Variants in CEP128 observed in about 807,000 individuals in gnomAD.
The protein encoded by CEP128 is centrosomal protein 128, also known as centrosomal protein 128kDa.
Under a neutral mutation model 156.7 loss-of-function variants are expected in CEP128, and 132 were observed. The observed-to-expected ratio is 0.84, with a 90% CI of 0.73 to 0.97. CEP128 has a LOEUF of 0.97. Among genes scored for constraint, CEP128 ranks in the 50% least tolerant of loss-of-function variants. CEP128 has a pLI of 0.00. For synonymous variants in CEP128, 469 were observed against 448.9 expected, an observed-to-expected ratio of 1.04 and a Z score of -0.57; for missense variants, 1,252 against 1,281.9, an observed-to-expected ratio of 0.98 and a Z score of 0.36.
At chr14:80,868,178 T>C (rs1217008010) in intron 8 of CEP128, among the ~76,000 whole-genome samples, 2 of 152,080 alleles carry the variant, frequency 1.3e-5, no homozygotes, top group African/African-American at 2.4e-5. Context: ...GCTAATAACA[T>C]AAAAGCATAT....
At chr14:80,542,167 T>C (rs1889793473) in intron 21 of CEP128, among the ~76,000 whole-genome samples, 2 of 152,198 alleles carry the variant, frequency 1.3e-5, no homozygotes, top group Non-Finnish European at 2.9e-5. Flanking sequence ...GTACCTCCCA[T>C]CCTGTGTGTA....
intron 4 of CEP128, among the ~76,000 whole-genome samples, chr14:80,907,613 G>A (rs1199576300): frequency 7.1e-6 from 1 of 141,706 alleles, no homozygotes; most frequent in Non-Finnish European, 1.5e-5. Context: ...AGCTGAGATC[G>A]TACCACTGCA....
intron 20 of CEP128, among the ~76,000 whole-genome samples, chr14:80,564,311 A>C (rs957545742): frequency 1.3e-5 from 2 of 152,234 alleles, no homozygotes; most frequent in African/African-American, 2.4e-5. Context: ...TGTTCTTACC[A>C]ATAAGTGAAT....
intron 20 of CEP128, among the ~76,000 whole-genome samples, chr14:80,565,440 A>AT (rs752337286): frequency 6.6e-6 from 1 of 152,138 alleles, no homozygotes; most frequent in Non-Finnish European, 1.5e-5. Context: ...GGGGAGACTG[A>AT]TTTGAGTAAT....
At position 80,590,995 on chromosome 14, in the gene CEP128, C is replaced by T. The variant is rs950090128; in HGVS notation, c.2807-10572G>A. 3.9e-5 allele frequency among the ~76,000 whole-genome samples: 6 copies of T among 152,250 alleles called. No homozygotes were observed. In the South Asian group the frequency reaches 1.2e-3, roughly 32 times the overall value. ...CACCACCGGGCCAGCCTTGCAAGAGCTCCTGAAGGAAGCACTAAATACGGA... is the reference window on the plus strand; with the variant it reads ...CACCACCGGGCCAGCCTTGCAAGAGTTCCTGAAGGAAGCACTAAATACGGA... On this transcript the variant is annotated intron_variant, in intron 19 of 24. Transcript: ENST00000555265.
rs186603812 is a variant in CEP128 at position 80,704,389 on chromosome 14, A to T, written c.2806+38686T>A. 6.9e-3 allele frequency among the ~76,000 whole-genome samples: 1,057 copies of T among 152,180 alleles called. 11 individuals carry two copies. The highest frequency in any genetic ancestry group is 0.024 in the African/African-American group (1,011 of 41,572). On this transcript the variant is annotated intron_variant, in intron 19 of 24. Transcript: ENST00000555265. ...AAATGAAGGATTTAGTTATTTTTTT[A>T]AAAAAGTTTATGAGTGTAAAATGAA...
chr14:80,784,236 T>A (rs1054965883), intron 15 of CEP128, among the ~76,000 whole-genome samples: 1 of 149,888 alleles, frequency 6.7e-6, no homozygotes, highest in South Asian at 2.1e-4. Flanking sequence ...TAAGGGGATA[T>A]TAAAAAATAA....
chr14:80,742,969 G>T, intron 19 of CEP128, 106 bp downstream of exon 19: 2 of 911,430 alleles, frequency 2.2e-6, no homozygotes, highest in Non-Finnish European at 3.4e-6. Flanking sequence ...AGATGGGCTT[G>T]GAAATAGTCC....
rs1885264968 is a variant in CEP128 at position 80,822,873 on chromosome 14, T to C, written c.1209+8270A>G. 1.6e-5 allele frequency: 10 copies of C among 643,628 alleles called. No individual in the cohort carries two copies. The Admixed American group carries it at 1.7e-4, about 11-fold the overall frequency. 39.9% of individuals were successfully genotyped at this position (643,628 alleles called of 1,614,324 possible). On this transcript the variant is annotated intron_variant, in intron 13 of 24. Coordinates refer to ENST00000555265, the MANE Select transcript of CEP128 (RefSeq NM_152446.5). The stretch of plus-strand genomic sequence containing the variant: ...AAATACTATTTTTTATCAAGTTTTA[T>C]AAAACTGCATAATTTTACTTTTTTT...
At chr14:80,478,536 A>T (rs907928771) in intron 14 of CEP128, 6 of 152,178 alleles carry the variant, frequency 3.9e-5, no homozygotes, top group African/African-American at 1.2e-4. Flanking sequence ...TCTGCATTCA[A>T]ATTTGGGTCC....
chr14:80,846,252 G>A (rs1430184883), intron 9 of CEP128, among the ~76,000 whole-genome samples: 1 of 152,074 alleles, frequency 6.6e-6, no homozygotes, highest in Non-Finnish European at 1.5e-5. Flanking sequence ...GTAGCAATCA[G>A]AGTATTTATT....
chr14:80,563,999 C>A (rs1890806477), intron 20 of CEP128, among the ~76,000 whole-genome samples: 1 of 152,030 alleles, frequency 6.6e-6, no homozygotes, highest in Non-Finnish European at 1.5e-5. Flanking sequence ...TAACTAAGGG[C>A]TCTTATAGGG....
intron 19 of CEP128, among the ~76,000 whole-genome samples, chr14:80,707,857 C>T (rs893275003): frequency 3.9e-5 from 6 of 152,022 alleles, no homozygotes; most frequent in Non-Finnish European, 7.4e-5. Context: ...TAAGGTATAA[C>T]CCACTAAGGA....
At chr14:80,687,002 A>G (rs988560323) in intron 19 of CEP128, among the ~76,000 whole-genome samples, 3 of 152,194 alleles carry the variant, frequency 2.0e-5, no homozygotes, top group African/African-American at 7.2e-5. Flanking sequence ...GGAGATTTTA[A>G]CACCCCACTG....
At chr14:80,886,444 T>C (rs1888804395) in intron 8 of CEP128, among the ~76,000 whole-genome samples, 1 of 152,182 alleles carries the variant, frequency 6.6e-6, no homozygotes, top group Non-Finnish European at 1.5e-5. Context: ...GCAGAAACCC[T>C]ACAAGCCAAA....
At chr14:80,584,393 G>T (rs994380772) in intron 19 of CEP128, among the ~76,000 whole-genome samples, 1 of 151,958 alleles carries the variant, frequency 6.6e-6, no homozygotes, top group Non-Finnish European at 1.5e-5. Context: ...TGATCCGCCC[G>T]CCTCGGCCTC....
intron 8 of CEP128, among the ~76,000 whole-genome samples, chr14:80,888,474 A>C (rs1223768920): frequency 2.6e-5 from 4 of 152,246 alleles, no homozygotes; most frequent in African/African-American, 9.6e-5. Flanking sequence ...GGCTGGTTCA[A>C]CATACGCAAA....
At chr14:80,672,871 C>T (rs1239218021) in intron 19 of CEP128, among the ~76,000 whole-genome samples, 1 of 151,778 alleles carries the variant, frequency 6.6e-6, no homozygotes, top group Non-Finnish European at 1.5e-5. Flanking sequence ...CATAATCATC[C>T]CATTAAAATT....
chr14:80,784,221 T>C (rs1363465252), intron 15 of CEP128, among the ~76,000 whole-genome samples: 1 of 151,792 alleles, frequency 6.6e-6, no homozygotes, highest in African/African-American at 2.4e-5. Context: ...GAGTCTTCAT[T>C]TCAATAAGGG....
Sources: allele counts gnomAD v4.1 joint callset (sites outside exome capture counted in the v4.1 genomes callset), GRCh38; gene constraint gnomAD v4.1.1; transcripts MANE v1.5; gene names NCBI Gene and HGNC (gene_info 2026-07-23, HGNC 2026-07-21).